The following SLC51A variants were observed in gnomAD, a reference collection of about 807,000 sequenced individuals.
SLC51A encodes organic solute transporter subunit alpha.
SLC51A carries 22 observed loss-of-function variants against 34.8 expected under a neutral mutation model. The ratio of observed to expected loss-of-function variants is 0.63; its 90% CI spans 0.45 to 0.90. The LOEUF (loss-of-function observed/expected upper bound fraction) is 0.90, where lower values mean the gene tolerates loss of function less well. Among genes scored for constraint, SLC51A ranks in the 40% least tolerant of loss-of-function variants. The probability of loss-of-function intolerance (pLI) is 0.00; values close to 1 mark genes in which losing one functional copy is unlikely to be tolerated. For synonymous variants in SLC51A, 181 were observed against 176.3 expected, an observed-to-expected ratio of 1.03 and a Z score of -0.21; for missense variants, 371 against 414.8, an observed-to-expected ratio of 0.89 and a Z score of 0.92.
intron 2 of SLC51A, among the ~76,000 whole-genome samples, chr3:196,224,566 C>T (rs1055291037): frequency 1.3e-5 from 2 of 151,374 alleles, no homozygotes; most frequent in Non-Finnish European, 2.9e-5. Context: ...ATCCCAGCTA[C>T]TTGGGAGGCT....
chr3:196,223,930 G>A (rs1353084990), intron 2 of SLC51A: 3 of 385,454 alleles, frequency 7.8e-6, no homozygotes, highest in African/African-American at 7.2e-5. Flanking sequence ...TGTGATCTCA[G>A]CTCAATGCAA....
chr3:196,227,528 C>T (rs1188138107), intron 3 of SLC51A, 136 bp from the exon 4 acceptor site: 4 of 743,294 alleles, frequency 5.4e-6, no homozygotes, highest in Admixed American at 2.2e-5. Flanking sequence ...TTAATTAGTG[C>T]TTTTTCCAGC....
At chr3:196,230,175 C>A in intron 7 of SLC51A, 114 bp downstream of exon 7, 1 of 1,009,930 alleles carries the variant, frequency 9.9e-7, no homozygotes, top group Non-Finnish European at 1.4e-6. Flanking sequence ...TCATAAGCCT[C>A]ACGTCTCTCA....
chr3:196,222,494 G>A (rs568890591), intron 2 of SLC51A, among the ~76,000 whole-genome samples: 2 of 151,720 alleles, frequency 1.3e-5, no homozygotes, highest in African/African-American at 4.8e-5. Flanking sequence ...AATTAGCTGG[G>A]CATGGTGGTG....
At position 196,228,444 on chromosome 3, in the gene SLC51A, AG is replaced by A. The variant is rs1002547691; in HGVS notation, c.521+173del. ...CCACCCTCAGGGGACAGGGGAGCAG[AG>A]GAAGGAGAGCTCCTCAATTGTCATC... On this transcript the variant is annotated intron_variant, in intron 5 of 8. Coordinates refer to ENST00000296327, the MANE Select transcript of SLC51A (RefSeq NM_152672.6). This position sits in a 1 kb window ranked among gnomAD's most constrained non-coding sequence, Gnocchi z 4.9. 6.6e-6 allele frequency among the ~76,000 whole-genome samples: 1 copy of A among 152,240 alleles called. No homozygotes were observed. The highest frequency in any genetic ancestry group is 2.4e-5 in the African/African-American group (1 of 41,470).
In SLC51A at chr3:196,217,907, AG is replaced by A. The variant is rs774021234; in HGVS notation, c.105del (p.Gln35HisfsTer9). 1 of 1,613,260 alleles carries A rather than the reference AG, an allele frequency of 6.2e-7. No homozygotes were observed. The highest frequency in any genetic ancestry group is 1.1e-5 in the South Asian group (1 of 90,822). ...GGCATCCCCTCCGCCTGCTTCTCTC[AG>A]CCTCCCACAGCAGCCCAACTCCTGA... ...NYGIPSACFSQPPTAAQLLRA... is the reference protein window; with the variant it reads ...NYGIPSACFSXPPTAAQLLRA... On this transcript the variant is annotated frameshift_variant, in exon 2 of 9. Transcript: ENST00000296327. LOFTEE classifies it high-confidence loss of function.
At chr3:196,229,745 T>A in intron 6 of SLC51A, 170 bp from the exon 7 acceptor site, 3 of 604,138 alleles carry the variant, frequency 5.0e-6, no homozygotes, top group East Asian at 4.0e-5. Flanking sequence ...TCCCAGCTAC[T>A]CAGAAGCCTG....
At chr3:196,224,773 G>A (rs1417469042) in intron 2 of SLC51A, among the ~76,000 whole-genome samples, 4 of 135,950 alleles carry the variant, frequency 2.9e-5, no homozygotes, top group African/African-American at 1.1e-4. Context: ...GGGAGGGGAG[G>A]GGAGGGGAGG....
intron 7 of SLC51A, 97 bp from the exon 8 acceptor site, chr3:196,232,322 T>G: frequency 1.2e-6 from 1 of 851,990 alleles, no homozygotes; most frequent in Non-Finnish European, 2.0e-6. Context: ...GGGTGGAACC[T>G]GCCCAGCGGA....
At chr3:196,218,832 C>T (rs1723662394) in intron 2 of SLC51A, among the ~76,000 whole-genome samples, 1 of 147,706 alleles carries the variant, frequency 6.8e-6, no homozygotes. Flanking sequence ...AGCACTTTTT[C>T]CAAATAAAAC....
At chr3:196,226,028 CT>C (rs1312349324) in intron 2 of SLC51A, among the ~76,000 whole-genome samples, 20 of 152,214 alleles carry the variant, frequency 1.3e-4, no homozygotes, top group African/African-American at 3.4e-4. Context: ...TGTTGAAGTT[CT>C]CCCCTGGCCG....
rs1166223378 is a variant in SLC51A at position 196,233,160 on chromosome 3, T to A, written c.984T>A (p.Thr328=). ...RRKDHKVGYE[T]FSSPDLDLNL... is the part of the protein sequence containing the mutation. ...AAGACCACAAGGTTGGGTATGAAAC[T>A]TTCTCTTCTCCAGACCTGGACTTGA... Residue 328 remains threonine, a synonymous_variant, in exon 9 of 9, where the codon ACT becomes ACA. Coordinates refer to ENST00000296327, the MANE Select transcript of SLC51A (RefSeq NM_152672.6). 1 of 1,614,218 alleles carries A rather than the reference T, an allele frequency of 6.2e-7. No individual in the cohort carries two copies. Among genetic ancestry groups the A allele is most frequent in the Non-Finnish European group, 8.5e-7 (1 of 1,180,042 alleles).
chr3:196,223,635 A>G (rs1418712823), intron 2 of SLC51A, among the ~76,000 whole-genome samples: 1 of 151,568 alleles, frequency 6.6e-6, no homozygotes, highest in African/African-American at 2.4e-5. Context: ...TGGTTTTGGA[A>G]AACCACCTGC....
chr3:196,219,796 A>C (rs1723697909), intron 2 of SLC51A, among the ~76,000 whole-genome samples: 1 of 152,238 alleles, frequency 6.6e-6, no homozygotes, highest in African/African-American at 2.4e-5. Flanking sequence ...AACTTCCTAC[A>C]GGGCACGGGA....
At chr3:196,220,890 C>CT (rs758950658) in intron 2 of SLC51A, among the ~76,000 whole-genome samples, 13,098 of 132,230 alleles carry the variant, frequency 0.099, 875 homozygotes, top group Middle Eastern at 0.19. Context: ...CTTAATTTTT[C>CT]TTTTTTTTTT....
At chr3:196,219,983 C>G (rs901980696) in intron 2 of SLC51A, among the ~76,000 whole-genome samples, 3 of 152,356 alleles carry the variant, frequency 2.0e-5, no homozygotes, top group Non-Finnish European at 4.4e-5. Context: ...CAAGCCTCGC[C>G]GCAGGCAGAG....
At chr3:196,231,577 G>C (rs1405802013) in intron 7 of SLC51A, among the ~76,000 whole-genome samples, 1 of 152,220 alleles carries the variant, frequency 6.6e-6, no homozygotes, top group Non-Finnish European at 1.5e-5. Context: ...TGGGAATAGA[G>C]AGAGAAGTCC....
intron 2 of SLC51A, among the ~76,000 whole-genome samples, chr3:196,220,406 G>C (rs1560151607): frequency 6.6e-6 from 1 of 152,166 alleles, no homozygotes; most frequent in Non-Finnish European, 1.5e-5. Flanking sequence ...AGATCAGCCT[G>C]GCCAATGTGG....
At chr3:196,230,159 T>C in intron 7 of SLC51A, 98 bp downstream of exon 7, 2 of 1,195,824 alleles carry the variant, frequency 1.7e-6, no homozygotes, top group Non-Finnish European at 2.2e-6. Context: ...GGGCCGGGAA[T>C]CTTTTTCATA....
Sources: allele counts gnomAD v4.1 joint callset (sites outside exome capture counted in the v4.1 genomes callset), GRCh38; gene constraint gnomAD v4.1.1; non-coding constraint Gnocchi (gnomAD v3.1); transcripts MANE v1.5; gene names NCBI Gene and HGNC (gene_info 2026-07-23, HGNC 2026-07-21).